The following SLIT3 variants were observed in gnomAD, a reference collection of about 807,000 sequenced individuals.
The protein encoded by SLIT3 is slit guidance ligand 3.
A neutral mutation model predicts 184.0 loss-of-function variants in SLIT3; 68 were observed. The ratio of observed to expected loss-of-function variants is 0.37; its 90% confidence interval spans 0.30 to 0.45. The LOEUF is 0.45. SLIT3 is among the 20% of genes least tolerant of loss of function. The pLI is 1.00. For missense variants in SLIT3, 1,707 were observed against 2,026.0 expected, an observed-to-expected ratio of 0.84 and a Z score of 3.02; for synonymous variants, 831 against 828.6, an observed-to-expected ratio of 1.00 and a Z score of -0.05.
At chr5:169,151,665 A>G (rs762213271) in intron 4 of SLIT3, among the ~76,000 whole-genome samples, 4 of 152,192 alleles carry the variant, frequency 2.6e-5, no homozygotes, top group Non-Finnish European at 4.4e-5. Context: ...ATTTGCTACT[A>G]ACTTCCCAGG....
intron 10 of SLIT3, among the ~76,000 whole-genome samples, chr5:168,792,641 G>T (rs1275036530): frequency 6.6e-6 from 1 of 152,148 alleles, no homozygotes; most frequent in Non-Finnish European, 1.5e-5. Flanking sequence ...CTCTGCCTAA[G>T]AGCATGAAAG....
At chr5:168,973,126 G>A (rs1330549279) in intron 4 of SLIT3, among the ~76,000 whole-genome samples, 5 of 118,606 alleles carry the variant, frequency 4.2e-5, no homozygotes, top group Admixed American at 3.3e-4. Flanking sequence ...CCCATGCCTT[G>A]TTTCCATGAC....
chr5:169,222,100 T>G (rs562375665), intron 3 of SLIT3, among the ~76,000 whole-genome samples: 9 of 152,374 alleles, frequency 5.9e-5, no homozygotes, highest in Non-Finnish European at 1.0e-4. Flanking sequence ...TGGGGATGTG[T>G]GTTGAAGTAC....
intron 4 of SLIT3, among the ~76,000 whole-genome samples, chr5:168,990,628 A>G (rs1173380287): frequency 1.3e-5 from 2 of 152,204 alleles, no homozygotes; most frequent in Non-Finnish European, 2.9e-5. Context: ...AAATAGAATT[A>G]TAGGTTGAAT....
chr5:169,117,727 C>G (rs1447711599), intron 4 of SLIT3, among the ~76,000 whole-genome samples: 1 of 152,182 alleles, frequency 6.6e-6, no homozygotes, highest in Non-Finnish European at 1.5e-5. Context: ...AAACTCTATT[C>G]CCTGCGACCC....
intron 8 of SLIT3, among the ~76,000 whole-genome samples, chr5:168,814,847 G>C (rs2113651059): frequency 6.6e-6 from 1 of 152,306 alleles, no homozygotes; most frequent in South Asian, 2.1e-4. Flanking sequence ...GATGGTAGGA[G>C]TTCAATCTTC....
chr5:169,053,930 A>C (rs1757898981), intron 4 of SLIT3, among the ~76,000 whole-genome samples: 1 of 152,046 alleles, frequency 6.6e-6, no homozygotes, highest in African/African-American at 2.4e-5. Context: ...TCTACTAAAA[A>C]AAATACAAAA....
At chr5:168,965,232 G>GA (rs1416484628) in intron 4 of SLIT3, among the ~76,000 whole-genome samples, 1 of 152,126 alleles carries the variant, frequency 6.6e-6, no homozygotes, top group Non-Finnish European at 1.5e-5. Context: ...TCTATTGGAA[G>GA]AAAAAATGGT....
At chr5:169,148,349 C>A (rs1247020550) in intron 4 of SLIT3, among the ~76,000 whole-genome samples, 1 of 152,058 alleles carries the variant, frequency 6.6e-6, no homozygotes, top group African/African-American at 2.4e-5. Context: ...TTTTAAAAGG[C>A]CGAAGAGGAA....
intron 4 of SLIT3, among the ~76,000 whole-genome samples, chr5:168,999,751 G>C (rs986346039): frequency 6.6e-6 from 1 of 152,222 alleles, no homozygotes; most frequent in African/African-American, 2.4e-5. Flanking sequence ...ATGCAGCCAC[G>C]GGACTCACAA....
At chr5:168,799,763 C>T (rs148598831) in intron 9 of SLIT3, among the ~76,000 whole-genome samples, 188 of 152,258 alleles carry the variant, frequency 1.2e-3, no homozygotes, top group African/African-American at 4.2e-3. Context: ...ACACTGTCTT[C>T]CTTGCACACT....
At chr5:169,191,488 A>G (rs1472242359) in intron 4 of SLIT3, among the ~76,000 whole-genome samples, 1 of 152,204 alleles carries the variant, frequency 6.6e-6, no homozygotes, top group African/African-American at 2.4e-5. Context: ...GAATTGTAGG[A>G]GTAATAATAG....
chr5:169,232,339 C>T (rs552701357), intron 3 of SLIT3, among the ~76,000 whole-genome samples: 1 of 152,274 alleles, frequency 6.6e-6, no homozygotes, highest in African/African-American at 2.4e-5. Flanking sequence ...ATTCTCCTGC[C>T]TCAGCCTCCC....
intron 4 of SLIT3, among the ~76,000 whole-genome samples, chr5:169,153,581 T>C (rs1223270800): frequency 1.3e-5 from 2 of 152,246 alleles, no homozygotes; most frequent in African/African-American, 4.8e-5. Flanking sequence ...TATGCAGGCC[T>C]GCGTTTTATC....
intron 6 of SLIT3, among the ~76,000 whole-genome samples, chr5:168,839,770 G>C (rs1266316018): frequency 1.3e-5 from 2 of 152,058 alleles, no homozygotes; most frequent in East Asian, 1.9e-4. Context: ...ACTATGCTTG[G>C]GATTCCCAAT....
intron 4 of SLIT3, among the ~76,000 whole-genome samples, chr5:169,189,034 A>G (rs530754237): frequency 1.3e-5 from 2 of 152,290 alleles, no homozygotes; most frequent in East Asian, 3.9e-4. Context: ...TGACCCAAGC[A>G]TCGTAGAGAC....
intron 5 of SLIT3, chr5:168,844,895 CATT>C: frequency 1.4e-5 from 5 of 349,232 alleles, no homozygotes; most frequent in South Asian, 1.2e-4. Flanking sequence ...ATTAATTGCG[CATT>C]TTTTTTTTTT....
intron 4 of SLIT3, among the ~76,000 whole-genome samples, chr5:169,017,576 G>A (rs1480065530): frequency 1.3e-5 from 2 of 152,164 alleles, no homozygotes; most frequent in South Asian, 2.1e-4. Flanking sequence ...AAAGGAGCAG[G>A]ACAAATTGCA....
intron 14 of SLIT3, among the ~76,000 whole-genome samples, chr5:168,766,382 T>C (rs1755346592): frequency 6.6e-6 from 1 of 152,196 alleles, no homozygotes; most frequent in Non-Finnish European, 1.5e-5. Flanking sequence ...CAAAGGGTCA[T>C]AAGTGATGAA....
Sources: allele counts gnomAD v4.1 joint callset (sites outside exome capture counted in the v4.1 genomes callset), GRCh38; gene constraint gnomAD v4.1.1; transcripts MANE v1.5; gene names NCBI Gene and HGNC (gene_info 2026-07-23, HGNC 2026-07-21).